MAP2K4: variants seen among roughly 807,000 people sequenced by gnomAD.
MAP2K4 encodes the protein dual specificity mitogen-activated protein kinase kinase 4.
Under a neutral mutation model 48.5 loss-of-function variants are expected in MAP2K4, and 4 were observed. The ratio of observed to expected loss-of-function variants is 0.08; its 90% CI spans 0.04 to 0.19. The LOEUF is 0.19. MAP2K4 is among the 10% of genes least tolerant of loss of function. The pLI is 1.00. For missense variants in MAP2K4, 258 were observed against 493.3 expected, an observed-to-expected ratio of 0.52 and a Z score of 4.52; for synonymous variants, 166 against 173.1, an observed-to-expected ratio of 0.96 and a Z score of 0.32.
chr17:12,022,681 G>A (rs1348025669), intron 1 of MAP2K4, among the ~76,000 whole-genome samples: 3 of 152,154 alleles, frequency 2.0e-5, no homozygotes, highest in Non-Finnish European at 4.4e-5. Context: ...ATAGAGAATT[G>A]AACATCTCTA....
chr17:12,035,673 T>G (rs1433971423), intron 1 of MAP2K4, among the ~76,000 whole-genome samples: 1 of 152,260 alleles, frequency 6.6e-6, no homozygotes, highest in Non-Finnish European at 1.5e-5. Context: ...GATAAACTTA[T>G]GTTTAATTTA....
chr17:12,064,472 G>A (rs1970552320), intron 2 of MAP2K4, among the ~76,000 whole-genome samples: 1 of 152,292 alleles, frequency 6.6e-6, no homozygotes, highest in African/African-American at 2.4e-5. Flanking sequence ...ATGAGAAACA[G>A]CCATAAGAAC....
intron 7 of MAP2K4, chr17:12,124,393 A>G (rs1471230246): frequency 6.6e-6 from 1 of 152,250 alleles, no homozygotes; most frequent in Non-Finnish European, 1.5e-5. Flanking sequence ...TGCGGTACAT[A>G]GGATAATATA....
At chr17:12,057,368 CAA>C (rs1478855046) in intron 2 of MAP2K4, among the ~76,000 whole-genome samples, 1 of 152,124 alleles carries the variant, frequency 6.6e-6, no homozygotes, top group Non-Finnish European at 1.5e-5. Flanking sequence ...AGCGTATGCA[CAA>C]GAGAAGTTTT....
intron 8 of MAP2K4, 117 bp from the exon 9 acceptor site, chr17:12,129,022 T>C (rs1269889350): frequency 1.1e-6 from 1 of 880,526 alleles, no homozygotes; most frequent in East Asian, 2.6e-5. Context: ...TAACCTGTGT[T>C]TAATTCAAGG....
At chr17:12,138,593 CA>C (rs1431461190) in intron 9 of MAP2K4, among the ~76,000 whole-genome samples, 1 of 151,832 alleles carries the variant, frequency 6.6e-6, no homozygotes, top group African/African-American at 2.4e-5. Flanking sequence ...TGGATTTGTA[CA>C]GTTGAAATCT....
At chr17:12,036,966 T>C (rs1208209525) in intron 1 of MAP2K4, among the ~76,000 whole-genome samples, 4 of 152,116 alleles carry the variant, frequency 2.6e-5, no homozygotes, top group African/African-American at 9.7e-5. Flanking sequence ...CTCTAAATAT[T>C]TTGGGTAGTG....
intron 9 of MAP2K4, among the ~76,000 whole-genome samples, chr17:12,131,211 A>C (rs1157416954): frequency 1.4e-5 from 2 of 147,822 alleles, no homozygotes; most frequent in African/African-American, 5.0e-5. Context: ...ATCTGGACTT[A>C]GTTTATTGCT....
At chr17:12,089,327 GA>G (rs1160779950) in intron 3 of MAP2K4, among the ~76,000 whole-genome samples, 9 of 152,280 alleles carry the variant, frequency 5.9e-5, no homozygotes, top group Admixed American at 5.9e-4. Flanking sequence ...ATTCCACATA[GA>G]TTGCTGAAGA....
chr17:12,134,814 G>A (rs1973151943), intron 9 of MAP2K4, among the ~76,000 whole-genome samples: 1 of 152,188 alleles, frequency 6.6e-6, no homozygotes. Context: ...TATAACAGGA[G>A]GAATGTGGTT....
intron 9 of MAP2K4, among the ~76,000 whole-genome samples, chr17:12,129,561 A>G (rs898938031): frequency 2.0e-5 from 3 of 152,204 alleles, no homozygotes; most frequent in Non-Finnish European, 4.4e-5. Flanking sequence ...ACCTGGTACA[A>G]GAAATACCAG....
chr17:12,128,457 T>C lies in MAP2K4; in HGVS notation c.892-682T>C, dbSNP rs140953959. On this transcript the variant is annotated intron_variant, in intron 8 of 10. Transcript: ENST00000353533. ...GATTCACTGGTTATTAGAGAATATT[T>C]TTTTTTTGGACCCTTGATAGGATTG... Among the ~76,000 whole-genome samples the C allele has an allele frequency of 2.3e-4, 35 of 152,288 alleles. No individual in the cohort carries two copies. The East Asian group carries it at 4.3e-3, about 18-fold the overall frequency.
chr17:12,055,188 A>G (rs28918114), intron 2 of MAP2K4, among the ~76,000 whole-genome samples, 197 bp downstream of exon 2: 49 of 152,240 alleles, frequency 3.2e-4, no homozygotes, highest in Non-Finnish European at 6.2e-4. Context: ...CTTCTGTCCA[A>G]CTGTACAAAT....
Position 12,141,361 on chromosome 17 carries a change from C to A in MAP2K4, c.*101C>A. ...AGTGTTTTTATTGCTCGCCCAGACA[C>A]CATGTGCAATAAGATTGGTGTTCGT... On this transcript the variant is annotated 3_prime_UTR_variant, in exon 11 of 11. Transcript: ENST00000353533. The A allele has an allele frequency of 1.2e-6, 1 of 818,974 alleles. No homozygotes were observed. The highest frequency in any genetic ancestry group is 1.4e-5 in the South Asian group (1 of 71,250). 50.7% of individuals were successfully genotyped at this position (818,974 alleles called of 1,614,324 possible).
chr17:12,048,497 T>C (rs1180511431), intron 1 of MAP2K4, among the ~76,000 whole-genome samples: 4 of 152,284 alleles, frequency 2.6e-5, no homozygotes, highest in African/African-American at 9.6e-5. Flanking sequence ...TGAGATTTTA[T>C]GAACTTTTTA....
At chr17:12,102,180 C>G (rs902415508) in intron 4 of MAP2K4, among the ~76,000 whole-genome samples, 6 of 151,786 alleles carry the variant, frequency 4.0e-5, no homozygotes, top group South Asian at 2.1e-4. Flanking sequence ...AAGGAAGTTT[C>G]TTTTTACTCC....
chr17:12,133,358 A>G (rs1195375757), intron 9 of MAP2K4, among the ~76,000 whole-genome samples: 1 of 152,220 alleles, frequency 6.6e-6, no homozygotes, highest in Non-Finnish European at 1.5e-5. Context: ...CTGGGATTAC[A>G]GGCGTGAGCC....
intron 4 of MAP2K4, among the ~76,000 whole-genome samples, chr17:12,106,992 G>C (rs1432761327): frequency 6.6e-6 from 1 of 151,888 alleles, no homozygotes; most frequent in Non-Finnish European, 1.5e-5. Flanking sequence ...CCAGTCATAG[G>C]ATGATTCTAT....
chr17:12,062,246 AG>A (rs1970474144), intron 2 of MAP2K4, among the ~76,000 whole-genome samples: 1 of 152,042 alleles, frequency 6.6e-6, no homozygotes, highest in South Asian at 2.1e-4. Context: ...ATTTTGGTAG[AG>A]TATATATTCT....
Sources: gnomAD v4.1 joint callset for allele counts (sites outside exome capture counted in the v4.1 genomes callset) on GRCh38, gnomAD v4.1.1 for gene constraint, MANE v1.5 for transcripts, NCBI Gene and HGNC (gene_info 2026-07-23, HGNC 2026-07-21) for gene names.